The following GABRB1 variants were observed in gnomAD, a reference collection of about 807,000 sequenced individuals.
GABRB1 encodes gamma-aminobutyric acid receptor subunit beta-1.
In GABRB1, 17 loss-of-function variants were observed where a neutral mutation model predicts 51.6. The ratio of observed to expected loss-of-function variants is 0.33; its 90% CI spans 0.23 to 0.49. GABRB1 has a LOEUF of 0.49. Among genes scored for constraint, GABRB1 ranks in the 20% least tolerant of loss-of-function variants. The pLI is 0.99. For synonymous variants in GABRB1, 247 were observed against 218.9 expected, an observed-to-expected ratio of 1.13 and a Z score of -1.14; for missense variants, 410 against 600.6, an observed-to-expected ratio of 0.68 and a Z score of 3.32.
chr4:47,309,960 A>G (rs1157762789), intron 4 of GABRB1, among the ~76,000 whole-genome samples: 3 of 152,180 alleles, frequency 2.0e-5, no homozygotes, highest in Non-Finnish European at 2.9e-5. Context: ...TGTATCAAGC[A>G]TTGAACTTGT....
chr4:47,213,055 C>T (rs1720425911), intron 4 of GABRB1, among the ~76,000 whole-genome samples: 1 of 152,184 alleles, frequency 6.6e-6, no homozygotes, highest in African/African-American at 2.4e-5. Flanking sequence ...TTTCACTCAC[C>T]TTACAGGTCT....
rs1458072042 is a variant in GABRB1 at position 47,021,046 on chromosome 4, T to C, written c.-19-10868T>C. 6.6e-5 allele frequency among the ~76,000 whole-genome samples: 10 copies of C among 152,288 alleles called. 1 individual carries two copies. In the South Asian group the frequency reaches 1.5e-3, roughly 22 times the overall value. On this transcript the variant is annotated intron_variant, in intron 1 of 3. Coordinates refer to the GABRB1 transcript ENST00000513567. ...TCCATTGCTAACTGCAGTTCTTTACTCAAATGTCACCTTTTTATACAGGTC... is the reference window on the plus strand; with the variant it reads ...TCCATTGCTAACTGCAGTTCTTTACCCAAATGTCACCTTTTTATACAGGTC...
intron 5 of GABRB1, among the ~76,000 whole-genome samples, chr4:47,378,789 G>T (rs1460945021): frequency 2.7e-5 from 4 of 150,022 alleles, no homozygotes; most frequent in Non-Finnish European, 5.9e-5. Context: ...CCCGGCCGGA[G>T]TTTTTTTTTT....
At chr4:47,004,113 C>T (rs976038139) in intron 1 of GABRB1, among the ~76,000 whole-genome samples, 5 of 151,974 alleles carry the variant, frequency 3.3e-5, no homozygotes, top group Middle Eastern at 3.2e-3. Context: ...CTCAGCCTCC[C>T]GAGTAGCTGG....
intron 3 of GABRB1, among the ~76,000 whole-genome samples, chr4:47,047,341 C>T (rs940451862): frequency 2.0e-5 from 3 of 151,996 alleles, no homozygotes; most frequent in Non-Finnish European, 4.4e-5. Context: ...ACTATTCTAA[C>T]CACTTTATGA....
intron 4 of GABRB1, among the ~76,000 whole-genome samples, chr4:47,161,848 C>T (rs1717970044): frequency 6.6e-6 from 1 of 151,956 alleles, no homozygotes; most frequent in South Asian, 2.1e-4. Context: ...TGTTCATAAG[C>T]CCCTTGAAAT....
intron 5 of GABRB1, among the ~76,000 whole-genome samples, chr4:47,365,256 G>T (rs940157453): frequency 7.2e-5 from 11 of 152,210 alleles, no homozygotes; most frequent in Admixed American, 3.3e-4. Context: ...AGAAGCTTCA[G>T]CAGTTTAGAT....
chr4:47,135,143 G>C (rs750672258), intron 3 of GABRB1, among the ~76,000 whole-genome samples: 2 of 151,970 alleles, frequency 1.3e-5, no homozygotes, highest in Non-Finnish European at 2.9e-5. Context: ...GTAAGGAGTA[G>C]AGGATAAAGT....
intron 3 of GABRB1, among the ~76,000 whole-genome samples, chr4:47,062,925 T>C (rs1451733583): frequency 1.3e-5 from 2 of 152,192 alleles, no homozygotes; most frequent in Non-Finnish European, 2.9e-5. Flanking sequence ...CCCTGAATCA[T>C]AACATCTAAC....
intron 5 of GABRB1, among the ~76,000 whole-genome samples, chr4:47,398,222 T>C (rs1728246097): frequency 6.6e-6 from 1 of 152,212 alleles, no homozygotes; most frequent in African/African-American, 2.4e-5. Context: ...TTCTGTATAG[T>C]AATTTTATAC....
intron 3 of GABRB1, among the ~76,000 whole-genome samples, chr4:47,113,203 T>C (rs1715309651): frequency 6.6e-6 from 1 of 151,964 alleles, no homozygotes; most frequent in Admixed American, 6.6e-5. Flanking sequence ...CTGGCTAACA[T>C]AGTGAAACCC....
intron 4 of GABRB1, among the ~76,000 whole-genome samples, chr4:47,174,141 T>C (rs1215739474): frequency 6.6e-6 from 1 of 152,162 alleles, no homozygotes; most frequent in African/African-American, 2.4e-5. Context: ...CATGGCTCAC[T>C]GCAACCTCAA....
At chr4:47,175,053 C>G (rs1036892166) in intron 4 of GABRB1, among the ~76,000 whole-genome samples, 5 of 147,992 alleles carry the variant, frequency 3.4e-5, no homozygotes, top group Non-Finnish European at 7.5e-5. Context: ...CCTTCCCTCC[C>G]TCCCTTCTTT....
intron 3 of GABRB1, among the ~76,000 whole-genome samples, chr4:47,151,240 C>T (rs1048320697): frequency 6.6e-6 from 1 of 151,936 alleles, no homozygotes; most frequent in African/African-American, 2.4e-5. Context: ...ATTACTGAAT[C>T]CTTTTCCACT....
intron 3 of GABRB1, among the ~76,000 whole-genome samples, chr4:47,063,261 C>T (rs542801640): frequency 8.6e-5 from 13 of 152,006 alleles, no homozygotes; most frequent in African/African-American, 3.1e-4. Flanking sequence ...GAAGCTTATG[C>T]CATTTGAGGA....
At chr4:47,370,379 C>T (rs560937490) in intron 5 of GABRB1, among the ~76,000 whole-genome samples, 8 of 151,688 alleles carry the variant, frequency 5.3e-5, no homozygotes, top group African/African-American at 1.2e-4. Context: ...CCCAGCTACT[C>T]GGGAGGCTGA....
intron 1 of GABRB1, among the ~76,000 whole-genome samples, chr4:47,026,535 A>G (rs1436223378): frequency 6.6e-6 from 1 of 152,088 alleles, no homozygotes; most frequent in Non-Finnish European, 1.5e-5. Context: ...ATGATGCTCT[A>G]CAAACAATAT....
chr4:47,367,404 G>A lies in GABRB1; in HGVS notation c.545-35914G>A, dbSNP rs191465161. Among the ~76,000 whole-genome samples the A allele has an allele frequency of 4.0e-3, 606 of 152,264 alleles. 11 individuals carry two copies. Among genetic ancestry groups the A allele is most frequent in the Non-Finnish European group, 7.3e-4 (50 of 68,036 alleles). Reference sequence around the variant, plus strand: ...ATTCAATAAGTAATTTATGGCTAAAGTCAAAGCTTATTCTATCCTCCAAAG... The same window carrying A: ...ATTCAATAAGTAATTTATGGCTAAAATCAAAGCTTATTCTATCCTCCAAAG... On this transcript the variant is annotated intron_variant, in intron 5 of 8. Transcript: ENST00000295454.
chr4:47,016,589 CT>C (rs1237614972), intron 1 of GABRB1, among the ~76,000 whole-genome samples: 1 of 145,170 alleles, frequency 6.9e-6, no homozygotes, highest in African/African-American at 2.6e-5. Flanking sequence ...ATTTATTTAT[CT>C]ATCTATCTAT....
Sources: gnomAD v4.1 joint callset for allele counts (sites outside exome capture counted in the v4.1 genomes callset) on GRCh38, gnomAD v4.1.1 for gene constraint, MANE v1.5 for transcripts, NCBI Gene and HGNC (gene_info 2026-07-23, HGNC 2026-07-21) for gene names.